Variants in ARHGAP28 observed in about 807,000 individuals in gnomAD.
ARHGAP28 encodes rho GTPase-activating protein 28.
In ARHGAP28, 56 loss-of-function variants were observed where a neutral mutation model predicts 90.7. The ratio of observed to expected loss-of-function variants is 0.62; its 90% confidence interval spans 0.50 to 0.77. The LOEUF is 0.77. Among genes scored for constraint, ARHGAP28 ranks in the 30% least tolerant of loss-of-function variants. ARHGAP28 has a pLI of 0.00. For synonymous variants in ARHGAP28, 308 were observed against 323.3 expected, an observed-to-expected ratio of 0.95 and a Z score of 0.51; for missense variants, 869 against 900.9, an observed-to-expected ratio of 0.96 and a Z score of 0.45.
chr18:6,739,645 TTCTCTC>T (rs138884918), intron 1 of ARHGAP28, among the ~76,000 whole-genome samples: 5 of 145,044 alleles, frequency 3.4e-5, no homozygotes, highest in East Asian at 2.0e-4. Context: ...TGACTAAGCT[TTCTCTC>T]TCTCTCTCTC....
intron 17 of ARHGAP28, among the ~76,000 whole-genome samples, chr18:6,910,764 T>A (rs1054916687): frequency 2.6e-5 from 4 of 152,134 alleles, no homozygotes; most frequent in Non-Finnish European, 4.4e-5. Flanking sequence ...TGGCGCATTA[T>A]TAATATGTGG....
intron 16 of ARHGAP28, among the ~76,000 whole-genome samples, chr18:6,902,222 T>C (rs2057341985): frequency 6.6e-6 from 1 of 152,220 alleles, no homozygotes; most frequent in African/African-American, 2.4e-5. Flanking sequence ...AAAATGAAGA[T>C]AATCTGAATA....
Position 6,870,675 on chromosome 18 carries a change from T to G in ARHGAP28, c.897T>G (p.Ala299=), listed in dbSNP as rs2057076819. The G allele has an allele frequency of 6.2e-7, 1 of 1,612,252 alleles. No individual in the cohort carries two copies. Among genetic ancestry groups the G allele is most frequent in the African/African-American group, 1.3e-5 (1 of 74,928 alleles). ...CTTATTCAGAAATGGTTACGGAGGCTCTAAAAAGAAATAAACTTAAGAAAT... is the reference window on the plus strand; with the variant it reads ...CTTATTCAGAAATGGTTACGGAGGCGCTAAAAAGAAATAAACTTAAGAAAT... The part of the protein sequence containing the change: ...EVSYSEMVTE[A]LKRNKLKKSE... Residue 299 remains alanine (A), a synonymous_variant, in exon 7 of 18, where the codon GCT becomes GCG. Coordinates refer to ENST00000383472, the MANE Select transcript of ARHGAP28 (RefSeq NM_001366230.1).
At chr18:6,875,693 C>T (rs2143576582) in intron 9 of ARHGAP28, among the ~76,000 whole-genome samples, 1 of 152,276 alleles carries the variant, frequency 6.6e-6, no homozygotes, top group Non-Finnish European at 1.5e-5. Flanking sequence ...ATCTTTACCC[C>T]GTCTAAACTC....
chr18:6,870,909 T>C (rs980264362), intron 7 of ARHGAP28, among the ~76,000 whole-genome samples, 177 bp downstream of exon 7: 2 of 152,072 alleles, frequency 1.3e-5, no homozygotes, highest in Non-Finnish European at 2.9e-5. Context: ...CACGCCATTC[T>C]CCTGCCTCAG....
intron 3 of ARHGAP28, among the ~76,000 whole-genome samples, chr18:6,842,991 A>G (rs2056838916): frequency 6.6e-6 from 1 of 152,176 alleles, no homozygotes; most frequent in Non-Finnish European, 1.5e-5. Flanking sequence ...AAAAATGTAA[A>G]ATATTTTTTA....
At chr18:6,786,627 A>C (rs1022386386) in intron 1 of ARHGAP28, among the ~76,000 whole-genome samples, 1 of 152,206 alleles carries the variant, frequency 6.6e-6, no homozygotes, top group Non-Finnish European at 1.5e-5. Flanking sequence ...TGCTATTGAT[A>C]GGTGAATCCC....
chr18:6,899,791 C>T (rs188665876), intron 16 of ARHGAP28, among the ~76,000 whole-genome samples: 1 of 152,200 alleles, frequency 6.6e-6, no homozygotes, highest in Admixed American at 6.5e-5. Flanking sequence ...CCTCTTCCCC[C>T]AACCACATGA....
intron 1 of ARHGAP28, among the ~76,000 whole-genome samples, chr18:6,747,649 T>C (rs528663357): frequency 6.6e-6 from 1 of 152,332 alleles, no homozygotes; most frequent in African/African-American, 2.4e-5. Context: ...AAAATTCTTT[T>C]AGTGCTCTTG....
At chr18:6,741,198 T>C (rs1337926879) in intron 1 of ARHGAP28, among the ~76,000 whole-genome samples, 2 of 152,238 alleles carry the variant, frequency 1.3e-5, no homozygotes, top group African/African-American at 4.8e-5. Flanking sequence ...GAGTAAGCAA[T>C]TAATGAGGGA....
intron 1 of ARHGAP28, among the ~76,000 whole-genome samples, chr18:6,806,137 G>A (rs1419279857): frequency 2.6e-5 from 4 of 151,600 alleles, no homozygotes; most frequent in East Asian, 2.0e-4. Context: ...CAGGCAGTCC[G>A]CCTGCCTCAG....
At chr18:6,889,409 G>A (rs1157470891) in intron 12 of ARHGAP28, among the ~76,000 whole-genome samples, 1 of 152,116 alleles carries the variant, frequency 6.6e-6, no homozygotes, top group Non-Finnish European at 1.5e-5. Context: ...TTGGGCTGAG[G>A]AATGAGATAC....
At chr18:6,855,428 G>A (rs747081552) in intron 4 of ARHGAP28, among the ~76,000 whole-genome samples, 1 of 152,162 alleles carries the variant, frequency 6.6e-6, no homozygotes, top group East Asian at 1.9e-4. Flanking sequence ...ACCCATTTCA[G>A]GTCTCTTCAG....
At chr18:6,847,630 G>GGTGT (rs60063372) in intron 3 of ARHGAP28, among the ~76,000 whole-genome samples, 68,736 of 150,276 alleles carry the variant, frequency 0.46, 17,996 homozygotes, top group Non-Finnish European at 0.6. Flanking sequence ...AGAGAGTGGG[G>GGTGT]GTGTGTGTGT....
chr18:6,769,900 A>G (rs1402127250), intron 1 of ARHGAP28, among the ~76,000 whole-genome samples: 1 of 152,216 alleles, frequency 6.6e-6, no homozygotes, highest in East Asian at 1.9e-4. Context: ...TTTATTATTT[A>G]TTTTGGAAAA....
chr18:6,850,182 T>G lies in ARHGAP28; in HGVS notation c.544-852T>G, dbSNP rs150876951. Among the ~76,000 whole-genome samples, 738 of 152,348 alleles carry G rather than the reference T, an allele frequency of 4.8e-3. 2 individuals are homozygous for G. The highest frequency in any genetic ancestry group is 6.8e-3 in the Middle Eastern group (2 of 294). On this transcript the variant is annotated intron_variant, in intron 3 of 17. Coordinates refer to ENST00000383472, the MANE Select transcript of ARHGAP28 (RefSeq NM_001366230.1). ...ACTGATTTCCCCTTTATTGTTATAC[T>G]TAGTTCCTGACTTCTTGTTACAACC...
At chr18:6,910,908 G>C (rs568650852) in intron 17 of ARHGAP28, among the ~76,000 whole-genome samples, 2 of 151,326 alleles carry the variant, frequency 1.3e-5, no homozygotes, top group South Asian at 4.2e-4. Flanking sequence ...GCAGTGGCGC[G>C]ATCTCGGCTC....
intron 1 of ARHGAP28, among the ~76,000 whole-genome samples, chr18:6,748,102 G>A (rs1350939356): frequency 6.6e-6 from 1 of 152,162 alleles, no homozygotes; most frequent in African/African-American, 2.4e-5. Flanking sequence ...GGAATGCACC[G>A]TTTGCTGTGA....
At chr18:6,889,391 G>A (rs2143712960) in intron 12 of ARHGAP28, among the ~76,000 whole-genome samples, 1 of 152,136 alleles carries the variant, frequency 6.6e-6, no homozygotes, top group Non-Finnish European at 1.5e-5. Context: ...GTTTAGTTGA[G>A]TTTACATTTG....
Sources: gnomAD v4.1 joint callset for allele counts (sites outside exome capture counted in the v4.1 genomes callset) on GRCh38, gnomAD v4.1.1 for gene constraint, MANE v1.5 for transcripts, NCBI Gene and HGNC (gene_info 2026-07-23, HGNC 2026-07-21) for gene names.